Variants in MARCHF7 observed in about 807,000 individuals in gnomAD.
MARCHF7 encodes E3 ubiquitin-protein ligase MARCHF7.
Under a neutral mutation model 76.5 loss-of-function variants are expected in MARCHF7, and 20 were observed. That is an observed-to-expected ratio of 0.26 (90% CI 0.18 to 0.38). The LOEUF is 0.38. Among genes scored for constraint, MARCHF7 ranks in the 10% least tolerant of loss-of-function variants. MARCHF7 has a pLI of 1.00. For synonymous variants in MARCHF7, 295 were observed against 293.0 expected, an observed-to-expected ratio of 1.01 and a Z score of -0.07; for missense variants, 797 against 812.9, an observed-to-expected ratio of 0.98 and a Z score of 0.24.
chr2:159,745,617 C>G (rs140617284), intron 5 of MARCHF7, among the ~76,000 whole-genome samples, 153 bp from the exon 6 acceptor site: 183 of 152,294 alleles, frequency 1.2e-3, no homozygotes, highest in African/African-American at 3.8e-3. Context: ...GATCGTGCCA[C>G]TACACTCCAG....
At chr2:159,716,903 C>G (rs1482675835) in intron 3 of MARCHF7, among the ~76,000 whole-genome samples, 1 of 152,102 alleles carries the variant, frequency 6.6e-6, no homozygotes, top group Non-Finnish European at 1.5e-5. Flanking sequence ...CAAACCACCT[C>G]GGGACCTAGT....
chr2:159,765,390 A>G (rs1707646293), intron 11 of MARCHF7, among the ~76,000 whole-genome samples: 1 of 152,132 alleles, frequency 6.6e-6, no homozygotes, highest in African/African-American at 2.4e-5. Flanking sequence ...AATGTCCTGT[A>G]ACTTCCAGTG....
At chr2:159,730,706 TTG>T (rs1434382871) in intron 4 of MARCHF7, among the ~76,000 whole-genome samples, 1 of 152,208 alleles carries the variant, frequency 6.6e-6, no homozygotes, top group African/African-American at 2.4e-5. Context: ...GGGCACAGAA[TTG>T]TGTTTTCCTG....
rs781450738 is a variant in MARCHF7 at position 159,748,286 on chromosome 2, A to G, written c.996A>G (p.Ser332=). 10 of 1,613,338 alleles carry G rather than the reference A, an allele frequency of 6.2e-6. No homozygotes were observed. The South Asian group carries it at 1.1e-4, about 18-fold the overall frequency. Residue 332 remains serine (S), a synonymous_variant, in exon 7 of 12, where the codon TCA becomes TCG. Transcript: ENST00000409175. ...CACAGTCCCGTAGTAATGTACCATCAGCTTCTGAAGTTCCCGATAATAGGG... is the reference window on the plus strand; with the variant it reads ...CACAGTCCCGTAGTAATGTACCATCGGCTTCTGAAGTTCCCGATAATAGGG... ...TASQSRSNVP[S]ASEVPDNRAS...
intron 5 of MARCHF7, among the ~76,000 whole-genome samples, chr2:159,744,656 A>G (rs942789300): frequency 1.3e-5 from 2 of 152,216 alleles, no homozygotes; most frequent in African/African-American, 4.8e-5. Context: ...TGCCATGGGA[A>G]AGACGTGCCT....
chr2:159,754,661 AGAG>A (rs1288665796), intron 8 of MARCHF7, among the ~76,000 whole-genome samples: 1 of 152,184 alleles, frequency 6.6e-6, no homozygotes, highest in Non-Finnish European at 1.5e-5. Context: ...AAGTACGAAA[AGAG>A]GAGAAAGAAG....
At chr2:159,724,401 T>G (rs1042857933) in intron 3 of MARCHF7, among the ~76,000 whole-genome samples, 1 of 152,208 alleles carries the variant, frequency 6.6e-6, no homozygotes, top group Non-Finnish European at 1.5e-5. Flanking sequence ...CCCTTTCAAT[T>G]TGGAGAGTTC....
chr2:159,748,441 C>A lies in MARCHF7; in HGVS notation c.1151C>A (p.Pro384Gln). 6.8e-6 allele frequency: 11 copies of A among 1,614,106 alleles called. No homozygotes were observed. The highest frequency in any genetic ancestry group is 8.5e-6 in the Non-Finnish European group (10 of 1,180,014). Residue 384 changes from proline (P) to glutamine (Q), a missense_variant, in exon 7 of 12, where the codon CCA becomes CAA. This residue lies in a region of MARCHF7 where 643 missense variants were observed against 631.5 expected (regional missense o/e 1.02). Transcript: ENST00000409175. ...GAATCTGAAGGTAGAAATACAGGAC[C>A]ATGGTTATCTTCCTCACTTAGAAAT... ...NQESEGRNTG[P>Q]WLSSSLRNRC...
At position 159,730,024 on chromosome 2, in the gene MARCHF7, GGTATGTCCATCTA is replaced by G. The variant is rs1240280267; in HGVS notation, c.153+850_153+862del. ...TTATGGTGAGTAATGAGTTTGTATTGGTATGTCCATCTACTCTTATGTAGCTAGTTTTCGTTAG... is the reference window on the plus strand; with the variant it reads ...TTATGGTGAGTAATGAGTTTGTATTGCTCTTATGTAGCTAGTTTTCGTTAG... On this transcript the variant is annotated intron_variant, in intron 4 of 11. Coordinates refer to ENST00000409175, the MANE Select transcript of MARCHF7 (RefSeq NM_001282805.2). Among the ~76,000 whole-genome samples the G allele has an allele frequency of 3.3e-5, 5 of 152,212 alleles. No homozygotes were observed. The East Asian group carries it at 9.6e-4, about 29-fold the overall frequency.
intron 8 of MARCHF7, among the ~76,000 whole-genome samples, chr2:159,753,129 A>G (rs1266646973): frequency 6.6e-6 from 1 of 152,238 alleles, no homozygotes; most frequent in Non-Finnish European, 1.5e-5. Context: ...GAGCTGAGCT[A>G]TTCCATAATT....
At chr2:159,766,591 G>C (rs1402934669) in intron 11 of MARCHF7, among the ~76,000 whole-genome samples, 5 of 152,140 alleles carry the variant, frequency 3.3e-5, no homozygotes, top group Admixed American at 2.6e-4. Context: ...AGACACCCAG[G>C]ATGCTTTATT....
intron 4 of MARCHF7, 64 bp downstream of exon 4, chr2:159,729,239 G>T: frequency 4.2e-6 from 5 of 1,178,274 alleles, no homozygotes; most frequent in Non-Finnish European, 5.7e-6. Flanking sequence ...CCACTCTTTT[G>T]GGGGTATTTA....
At chr2:159,733,282 G>T (rs974826464) in intron 4 of MARCHF7, 6 of 751,398 alleles carry the variant, frequency 8.0e-6, no homozygotes, top group Admixed American at 1.3e-4. Flanking sequence ...CACTCACCCA[G>T]GTTGGAGTAT....
At chr2:159,738,511 T>C (rs988371333) in intron 4 of MARCHF7, among the ~76,000 whole-genome samples, 1 of 152,160 alleles carries the variant, frequency 6.6e-6, no homozygotes, top group Admixed American at 6.5e-5. Flanking sequence ...AGGGGCTTTA[T>C]TGAGCAGTAG....
rs1705201799 is a variant in MARCHF7, at chr2:159,748,705, A to G, written c.1415A>G (p.Asn472Ser). 4 of 1,614,066 alleles carry G rather than the reference A, an allele frequency of 2.5e-6. No homozygotes were observed. The highest frequency in any genetic ancestry group is 3.4e-6 in the Non-Finnish European group (4 of 1,180,040). ...TCAGATTCGGCTCAAGGTGGAAGAA[A>G]TACAGGAATATCAGGGATTCTTCCT... The part of the protein sequence containing the change: ...STSDSAQGGR[N>S]TGISGILPGS... The change falls in exon 7 of 12, where the codon AAT (asparagine) becomes AGT (serine). Residue 472 changes from asparagine to serine, a missense_variant. By Grantham distance (46) the Asn-to-Ser change is conservative (BLOSUM62 1). Transcript: ENST00000409175.
chr2:159,723,182 C>A (rs1701817479), intron 3 of MARCHF7, among the ~76,000 whole-genome samples: 1 of 152,098 alleles, frequency 6.6e-6, no homozygotes, highest in Non-Finnish European at 1.5e-5. Context: ...ATTCTTTTCT[C>A]TAATGAATGC....
At position 159,737,205 on chromosome 2, in the gene MARCHF7, G is replaced by A. The variant is rs889912734; in HGVS notation, c.154-5856G>A. 3.3e-5 allele frequency among the ~76,000 whole-genome samples: 5 copies of A among 152,144 alleles called. No homozygotes were observed. In the East Asian group the frequency reaches 9.6e-4, roughly 29 times the overall value. On this transcript the variant is annotated intron_variant, in intron 4 of 11. Coordinates refer to ENST00000409175, the MANE Select transcript of MARCHF7 (RefSeq NM_001282805.2). ...TTTTCATAAAAATTAAAATTTGTGT[G>A]CATCGATACCAAGAGAGTGAAAAGA...
chr2:159,733,921 G>A, intron 4 of MARCHF7: 1 of 1,226,066 alleles, frequency 8.2e-7, no homozygotes, highest in Non-Finnish European at 1.0e-6. Context: ...TAGATTCTAA[G>A]TTCCGAACAG....
At chr2:159,726,613 C>A (rs1369737227) in intron 3 of MARCHF7, among the ~76,000 whole-genome samples, 1 of 152,102 alleles carries the variant, frequency 6.6e-6, no homozygotes, top group South Asian at 2.1e-4. Flanking sequence ...GCACCATTAC[C>A]CCCAACCTGT....
Sources: allele counts gnomAD v4.1 joint callset (sites outside exome capture counted in the v4.1 genomes callset), GRCh38; gene constraint gnomAD v4.1.1; regional missense constraint gnomAD v4.1.1; transcripts MANE v1.5; gene names NCBI Gene and HGNC (gene_info 2026-07-23, HGNC 2026-07-21).